PRR16: variants seen among roughly 807,000 people sequenced by gnomAD.
PRR16 encodes proline rich 16.
PRR16 carries 6 observed loss-of-function variants against 18.2 expected under a neutral mutation model. The observed-to-expected ratio is 0.33, with a 90% CI of 0.18 to 0.65. PRR16 has a LOEUF of 0.65. PRR16 is among the 30% of genes least tolerant of loss of function. The pLI is 0.74. For synonymous variants in PRR16, 151 were observed against 147.8 expected, an observed-to-expected ratio of 1.02 and a Z score of -0.16; for missense variants, 412 against 376.6, an observed-to-expected ratio of 1.09 and a Z score of -0.78.
the PRR16 span, among the ~76,000 whole-genome samples, chr5:120,794,308 T>C: frequency 6.6e-6 from 1 of 152,144 alleles, no homozygotes; most frequent in Admixed American, 6.6e-5. Context: ...AGACAGATGT[T>C]GTGGTTTTTA....
At chr5:120,595,422 T>A (rs1211518023) in intron 1 of PRR16, among the ~76,000 whole-genome samples, 5 of 110,454 alleles carry the variant, frequency 4.5e-5, no homozygotes, top group Non-Finnish European at 7.7e-5. Context: ...AGAAGGGCTA[T>A]TATCAAAAAG....
the PRR16 span, among the ~76,000 whole-genome samples, chr5:120,702,261 AATAAGGGGTCGGG>A: frequency 3.3e-3 from 168 of 50,616 alleles, 1 homozygote; most frequent in Admixed American, 7.3e-3. Flanking sequence ...GGGGCACGGA[AATAAGGGGTCGGG>A]GCATGGAAAT....
the PRR16 span, among the ~76,000 whole-genome samples, chr5:120,702,978 A>G: frequency 6.6e-6 from 1 of 152,312 alleles, no homozygotes; most frequent in East Asian, 1.9e-4. Context: ...CGTCCGTGTG[A>G]AGAGACCACC....
chr5:120,583,259 T>G (rs977412036), intron 1 of PRR16, among the ~76,000 whole-genome samples: 25 of 152,284 alleles, frequency 1.6e-4, no homozygotes, highest in African/African-American at 5.5e-4. Flanking sequence ...AGCATAGATT[T>G]CACATTTCAC....
the PRR16 span, among the ~76,000 whole-genome samples, chr5:120,720,062 G>A: frequency 3.3e-5 from 5 of 152,026 alleles, no homozygotes; most frequent in Non-Finnish European, 5.9e-5. Context: ...CACATTTATT[G>A]TATAGTCTAT....
chr5:120,748,491 A>C, the PRR16 span, among the ~76,000 whole-genome samples: 1 of 152,212 alleles, frequency 6.6e-6, no homozygotes. Context: ...AGTATCTTTC[A>C]ATGTGGAAAA....
intron 1 of PRR16, among the ~76,000 whole-genome samples, chr5:120,493,421 A>G (rs901403730): frequency 6.6e-6 from 1 of 152,046 alleles, no homozygotes; most frequent in African/African-American, 2.4e-5. Flanking sequence ...TTCTCATTTG[A>G]CCAGTCTTTA....
the PRR16 span, among the ~76,000 whole-genome samples, chr5:120,772,735 G>A: frequency 6.6e-6 from 1 of 152,044 alleles, no homozygotes; most frequent in South Asian, 2.1e-4. Context: ...AATTTGTTAA[G>A]TTCACATCAG....
intron 1 of PRR16, among the ~76,000 whole-genome samples, chr5:120,612,364 C>T (rs894722841): frequency 2.0e-5 from 3 of 151,974 alleles, no homozygotes; most frequent in Non-Finnish European, 4.4e-5. Flanking sequence ...TTGGAGGGGC[C>T]AGGGGTGGAA....
chr5:120,779,140 AAAG>A, the PRR16 span, among the ~76,000 whole-genome samples: 4 of 152,282 alleles, frequency 2.6e-5, no homozygotes, highest in Admixed American at 2.0e-4. Flanking sequence ...GCAGTTACAC[AAAG>A]AAGTTTTGCC....
chr5:120,516,483 G>GAACACACA (rs1561526504), intron 1 of PRR16, among the ~76,000 whole-genome samples: 76 of 104,570 alleles, frequency 7.3e-4, no homozygotes, highest in African/African-American at 2.9e-3. Flanking sequence ...CAGGAGGGAA[G>GAACACACA]GACACACACA....
intron 1 of PRR16, among the ~76,000 whole-genome samples, chr5:120,669,900 C>A (rs759823571): frequency 2.6e-5 from 4 of 151,778 alleles, no homozygotes; most frequent in Non-Finnish European, 4.4e-5. Context: ...TTTTTTTTAA[C>A]TAATGATAGT....
intron 1 of PRR16, among the ~76,000 whole-genome samples, chr5:120,640,317 T>C (rs1424174197): frequency 6.6e-6 from 1 of 151,850 alleles, no homozygotes; most frequent in Non-Finnish European, 1.5e-5. Context: ...AAAAAAATTC[T>C]CATGGTCATT....
At chr5:120,478,700 G>A (rs550282543) in intron 1 of PRR16, among the ~76,000 whole-genome samples, 2 of 151,894 alleles carry the variant, frequency 1.3e-5, no homozygotes, top group South Asian at 4.2e-4. Flanking sequence ...TTTCCTTTTT[G>A]CCTAGGAATG....
chr5:120,567,236 A>G (rs979459309), intron 1 of PRR16, among the ~76,000 whole-genome samples: 2 of 152,090 alleles, frequency 1.3e-5, no homozygotes, highest in Admixed American at 6.5e-5. Flanking sequence ...TGCCCAGTCT[A>G]TGCCACTGGG....
chr5:120,702,603 A>C, the PRR16 span, among the ~76,000 whole-genome samples: 2 of 152,144 alleles, frequency 1.3e-5, no homozygotes, highest in Non-Finnish European at 2.9e-5. Flanking sequence ...GGTGTCCGTG[A>C]AATGATTAAA....
chr5:120,470,429 T>A (rs1377164046), intron 1 of PRR16, among the ~76,000 whole-genome samples: 3 of 152,136 alleles, frequency 2.0e-5, no homozygotes, highest in Non-Finnish European at 4.4e-5. Context: ...TTTGTCATAT[T>A]TTCTTTTAGT....
intron 1 of PRR16, among the ~76,000 whole-genome samples, chr5:120,628,302 A>G (rs1259007778): frequency 1.3e-5 from 2 of 152,024 alleles, no homozygotes; most frequent in Non-Finnish European, 2.9e-5. Context: ...ATATTTATTT[A>G]TTTTGTTTTT....
chr5:120,603,439 G>T (rs1159218131), intron 1 of PRR16, among the ~76,000 whole-genome samples: 1 of 151,982 alleles, frequency 6.6e-6, no homozygotes, highest in Non-Finnish European at 1.5e-5. Context: ...ATGTTTGTTT[G>T]AATCTTCTCT....
Sources: gnomAD v4.1 joint callset for allele counts (sites outside exome capture counted in the v4.1 genomes callset) on GRCh38, gnomAD v4.1.1 for gene constraint, MANE v1.5 for transcripts, NCBI Gene and HGNC (gene_info 2026-07-23, HGNC 2026-07-21) for gene names.